PIGN: variants seen among roughly 807,000 people sequenced by gnomAD.
The protein encoded by PIGN is phosphatidylinositol glycan anchor biosynthesis class N.
Under a neutral mutation model 125.4 loss-of-function variants are expected in PIGN, and 117 were observed. The observed-to-expected ratio is 0.93, with a 90% confidence interval of 0.80 to 1.09. The LOEUF (loss-of-function observed/expected upper bound fraction) is 1.09. PIGN is among the 50% of genes least tolerant of loss of function. The pLI is 0.00. For missense variants in PIGN, 1,075 were observed against 1,094.9 expected, an observed-to-expected ratio of 0.98 and a Z score of 0.26; for synonymous variants, 392 against 377.8, an observed-to-expected ratio of 1.04 and a Z score of -0.44.
rs2035018634 is a variant in PIGN, at chr18:62,114,648, A to T, written c.1173-9T>A. The T allele has an allele frequency of 3.0e-6, 4 of 1,334,872 alleles. No individual in the cohort carries two copies. The highest frequency in any genetic ancestry group is 4.1e-6 in the Non-Finnish European group (4 of 965,574). 82.7% of individuals were successfully genotyped at this position (1,334,872 alleles called of 1,614,324 possible). Reference sequence around the variant, plus strand: ...TGGAATCAGAAAGCAGTCTATATATAAAAAAAAGAATAGGTTTAAAGGGTT... The same window carrying T: ...TGGAATCAGAAAGCAGTCTATATATTAAAAAAAGAATAGGTTTAAAGGGTT... On this transcript the variant is annotated splice_polypyrimidine_tract_variant and intron_variant, in intron 14 of 30. Transcript: ENST00000640252.
rs201027656 is a variant in PIGN at position 62,113,181 on chromosome 18, T to C, written c.1387A>G (p.Ile463Val). Residue 463 changes from isoleucine to valine, a missense_variant, in exon 16 of 31, where the codon ATC (isoleucine) becomes GTC (valine). Around this residue, in one of 3 missense-constraint regions of PIGN, gnomAD observed 915 missense variants for 908.7 expected, o/e 1.01. Coordinates refer to ENST00000640252, the MANE Select transcript of PIGN (RefSeq NM_176787.5). ...TTTATAAGGTTGGAATGAGACTTGATGATCAACAAAGAGGCATAAGATATC... is the reference window on the plus strand; with the variant it reads ...TTTATAAGGTTGGAATGAGACTTGACGATCAACAAAGAGGCATAAGATATC... ...GWISYASLLI[I>V]KSHSNLIKGV... The C allele has an allele frequency of 2.2e-5, 36 of 1,612,578 alleles. No individual in the cohort carries two copies. The African/African-American group carries it at 3.9e-4, about 17-fold the overall frequency.
chr18:62,114,046 T>C (rs891207498), intron 15 of PIGN, among the ~76,000 whole-genome samples: 2 of 152,104 alleles, frequency 1.3e-5, no homozygotes, highest in Non-Finnish European at 2.9e-5. Flanking sequence ...AAAATGGTAA[T>C]AGTTTATTTC....
intron 30 of PIGN, among the ~76,000 whole-genome samples, chr18:62,059,481 T>C (rs1029439431): frequency 3.9e-5 from 6 of 152,244 alleles, no homozygotes; most frequent in African/African-American, 1.4e-4. Context: ...ATGAATAAAG[T>C]ACTTTTACAT....
intron 14 of PIGN, chr18:62,137,013 C>T (rs2035957680): frequency 1.0e-5 from 4 of 398,298 alleles, no homozygotes; most frequent in Non-Finnish European, 1.8e-5. Flanking sequence ...CTGGGTATGT[C>T]TGTGACATTG....
At chr18:62,163,291 C>A (rs1328659472) in intron 2 of PIGN, among the ~76,000 whole-genome samples, 2 of 152,194 alleles carry the variant, frequency 1.3e-5, no homozygotes, top group East Asian at 3.9e-4. Flanking sequence ...TACGGTACAC[C>A]TAATAATAAA....
At chr18:62,058,653 C>A (rs1157927288) in intron 30 of PIGN, among the ~76,000 whole-genome samples, 1 of 152,176 alleles carries the variant, frequency 6.6e-6, no homozygotes, top group African/African-American at 2.4e-5. Flanking sequence ...AATAGTGGTT[C>A]TCCCTGAATA....
intron 7 of PIGN, among the ~76,000 whole-genome samples, chr18:62,151,480 G>A (rs980722230): frequency 6.6e-6 from 1 of 152,130 alleles, no homozygotes; most frequent in African/African-American, 2.4e-5. Flanking sequence ...AGAAAGCCTC[G>A]GATAGGTATG....
chr18:62,169,282 T>G (rs1412739992), intron 1 of PIGN, among the ~76,000 whole-genome samples: 1 of 152,248 alleles, frequency 6.6e-6, no homozygotes, highest in Admixed American at 6.5e-5. Flanking sequence ...CATATATGTT[T>G]GTTCCTTTTT....
intron 1 of PIGN, chr18:62,184,586 G>A (rs2037830757): frequency 6.6e-6 from 1 of 152,164 alleles, no homozygotes; most frequent in African/African-American, 2.4e-5. Flanking sequence ...CATGGTTATA[G>A]GATAGGAGGC....
At chr18:62,093,182 T>C (rs2034041311) in intron 23 of PIGN, among the ~76,000 whole-genome samples, 1 of 152,086 alleles carries the variant, frequency 6.6e-6, no homozygotes, top group Admixed American at 6.5e-5. Flanking sequence ...AAGTTATATA[T>C]GAAGTTACTG....
intron 14 of PIGN, among the ~76,000 whole-genome samples, chr18:62,128,325 G>C (rs1056047782): frequency 1.3e-5 from 2 of 152,172 alleles, no homozygotes; most frequent in East Asian, 1.9e-4. Flanking sequence ...GAGATGATGA[G>C]ATTTGCTTGT....
chr18:62,083,762 C>T (rs2033559890), intron 27 of PIGN, among the ~76,000 whole-genome samples: 1 of 152,100 alleles, frequency 6.6e-6, no homozygotes, highest in Non-Finnish European at 1.5e-5. Flanking sequence ...CAGTAGGGAA[C>T]AGGATGTGAG....
chr18:62,098,233 G>A (rs1179055884), intron 22 of PIGN, among the ~76,000 whole-genome samples: 1 of 152,102 alleles, frequency 6.6e-6, no homozygotes, highest in Admixed American at 6.6e-5. Flanking sequence ...TTCACCTAAA[G>A]TCAAGTCACT....
intron 1 of PIGN, among the ~76,000 whole-genome samples, chr18:62,167,727 A>G (rs1039800323): frequency 4.0e-5 from 6 of 151,818 alleles, no homozygotes; most frequent in South Asian, 2.1e-4. Flanking sequence ...CACACACACA[A>G]TAGAAGTGTA....
downstream of PIGN, among the ~76,000 whole-genome samples, chr18:62,037,290 A>T (rs370932036): frequency 4.6e-5 from 7 of 152,346 alleles, no homozygotes; most frequent in South Asian, 6.2e-4. Flanking sequence ...TAGCAAATCA[A>T]CTTGCCAAAG....
At chr18:62,136,173 A>G (rs1429170512) in intron 14 of PIGN, 2 of 152,226 alleles carry the variant, frequency 1.3e-5, no homozygotes, top group Non-Finnish European at 2.9e-5. Flanking sequence ...TAGAATTAGC[A>G]TAAGAGATGT....
chr18:62,177,387 T>C (rs1242799498), intron 1 of PIGN, among the ~76,000 whole-genome samples: 5 of 152,198 alleles, frequency 3.3e-5, no homozygotes, highest in African/African-American at 1.2e-4. Context: ...TCTCTTTTGA[T>C]GCTCTTATCT....
chr18:62,186,162 T>C lies in PIGN; in HGVS notation c.-236+682A>G, dbSNP rs940969127. On this transcript the variant is annotated intron_variant, in intron 1 of 30. Coordinates refer to ENST00000640252, the MANE Select transcript of PIGN (RefSeq NM_176787.5). ...GCCTCCGGGGTTCAAGCGATTCTCCTGCCTCAGCCTCCTGAGTAGCTGGGA... is the reference window on the plus strand; with the variant it reads ...GCCTCCGGGGTTCAAGCGATTCTCCCGCCTCAGCCTCCTGAGTAGCTGGGA... The C allele has an allele frequency of 3.3e-5, 5 of 150,360 alleles. No homozygotes were observed. In the East Asian group the frequency reaches 1.0e-3, roughly 30 times the overall value. The allele number at this position is 150,360 out of a possible 1,614,324, so 9.3% of individuals were successfully genotyped here.
At chr18:62,157,064 A>G in intron 6 of PIGN, 65 bp downstream of exon 6, 1 of 666,502 alleles carries the variant, frequency 1.5e-6, no homozygotes, top group Non-Finnish European at 2.5e-6. Context: ...ACATAAAAAT[A>G]GAAAACTACC....
Sources: gnomAD v4.1 joint callset for allele counts (sites outside exome capture counted in the v4.1 genomes callset) on GRCh38, gnomAD v4.1.1 for gene constraint, gnomAD v4.1.1 regional missense constraint, MANE v1.5 for transcripts, NCBI Gene and HGNC (gene_info 2026-07-23, HGNC 2026-07-21) for gene names.